Variants in ACKR2 observed in about 807,000 individuals in gnomAD.
ACKR2 encodes the protein atypical chemokine receptor 2.
For synonymous variants in ACKR2, 207 were observed against 192.2 expected, an observed-to-expected ratio of 1.08 and a Z score of -0.64; for missense variants, 457 against 477.3, an observed-to-expected ratio of 0.96 and a Z score of 0.40.
At chr3:42,841,895 T>TA in intron 2 of ACKR2, 1 of 152,154 alleles carries the variant, frequency 6.6e-6, no homozygotes, top group Non-Finnish European at 1.5e-5. Flanking sequence ...CAGGAACACC[T>TA]AGTAGTTAGG....
intron 2 of ACKR2, among the ~76,000 whole-genome samples, chr3:42,827,428 T>C (rs1172856478): frequency 6.6e-6 from 1 of 152,252 alleles, no homozygotes; most frequent in African/African-American, 2.4e-5. Context: ...TCTGATGTTA[T>C]GGGTTTCTTT....
intron 2 of ACKR2, among the ~76,000 whole-genome samples, chr3:42,839,697 T>C (rs557707865): frequency 7.2e-5 from 11 of 152,170 alleles, no homozygotes; most frequent in Non-Finnish European, 1.5e-4. Context: ...TTTTGGTACA[T>C]CAGGCTGTAT....
At chr3:42,827,450 T>A (rs903481345) in intron 2 of ACKR2, among the ~76,000 whole-genome samples, 1 of 152,232 alleles carries the variant, frequency 6.6e-6, no homozygotes, top group African/African-American at 2.4e-5. Context: ...TGCAGAGCCA[T>A]GTTGTAACTG....
At chr3:42,810,668 T>TA (rs1318047830) in intron 1 of ACKR2, among the ~76,000 whole-genome samples, 2 of 152,028 alleles carry the variant, frequency 1.3e-5, no homozygotes, top group African/African-American at 4.8e-5. Context: ...CCACTACCAA[T>TA]AAAAAAAGAA....
intron 1 of ACKR2, among the ~76,000 whole-genome samples, chr3:42,813,605 C>T (rs1286198337): frequency 6.6e-6 from 1 of 152,186 alleles, no homozygotes; most frequent in African/African-American, 2.4e-5. Flanking sequence ...AAGTCCACCC[C>T]CGTGATCTAA....
At chr3:42,858,532 A>C (rs1165855315) in intron 2 of ACKR2, among the ~76,000 whole-genome samples, 1 of 152,162 alleles carries the variant, frequency 6.6e-6, no homozygotes, top group African/African-American at 2.4e-5. Flanking sequence ...ACCAACATCA[A>C]AGACCAAAGG....
intron 1 of ACKR2, among the ~76,000 whole-genome samples, chr3:42,810,809 C>T (rs1392264798): frequency 1.3e-5 from 2 of 152,230 alleles, no homozygotes; most frequent in Non-Finnish European, 2.9e-5. Context: ...ATCCTTTGTT[C>T]GAGTGTTCAA....
At chr3:42,813,066 G>A (rs1390767432) in intron 1 of ACKR2, among the ~76,000 whole-genome samples, 2 of 152,114 alleles carry the variant, frequency 1.3e-5, no homozygotes, top group East Asian at 1.9e-4. Flanking sequence ...GAACAGTGCT[G>A]TTAATGTTAT....
intron 2 of ACKR2, among the ~76,000 whole-genome samples, chr3:42,822,577 G>A (rs1333059301): frequency 6.6e-6 from 1 of 152,104 alleles, no homozygotes; most frequent in African/African-American, 2.4e-5. Flanking sequence ...AACAGGCTGG[G>A]TGCGGTGGCT....
chr3:42,821,504 A>G (rs115559884), intron 2 of ACKR2, among the ~76,000 whole-genome samples: 74 of 151,842 alleles, frequency 4.9e-4, no homozygotes, highest in African/African-American at 1.7e-3. Context: ...GTGTATTATT[A>G]CCCCCATTTT....
At chr3:42,811,667 A>G (rs1310638384) in intron 1 of ACKR2, among the ~76,000 whole-genome samples, 2 of 152,020 alleles carry the variant, frequency 1.3e-5, no homozygotes, top group African/African-American at 4.8e-5. Context: ...GGTTGAGATA[A>G]GAGGAAGGCC....
chr3:42,842,786 C>A (rs1292347546), intron 2 of ACKR2, among the ~76,000 whole-genome samples: 3 of 151,802 alleles, frequency 2.0e-5, no homozygotes, highest in Non-Finnish European at 4.4e-5. Flanking sequence ...AGTTTGAGAC[C>A]AGCTTGGCCA....
chr3:42,811,972 C>T (rs777008117), intron 1 of ACKR2, among the ~76,000 whole-genome samples: 6 of 152,144 alleles, frequency 3.9e-5, no homozygotes, highest in South Asian at 2.1e-4. Context: ...GTTCTCCTGC[C>T]GCATTCCCCT....
intron 2 of ACKR2, among the ~76,000 whole-genome samples, chr3:42,828,092 A>ATTTTTTTTTTTTT (rs71072742): frequency 8.2e-6 from 1 of 121,902 alleles, no homozygotes. Context: ...ATATATATAT[A>ATTTTTTTTTTTTT]TTTTTTTTTT....
At chr3:42,810,885 G>C (rs1468613689) in intron 1 of ACKR2, among the ~76,000 whole-genome samples, 1 of 152,180 alleles carries the variant, frequency 6.6e-6, no homozygotes, top group East Asian at 1.9e-4. Context: ...TTTTGAGATA[G>C]AGTCTCGCTC....
chr3:42,841,952 C>T (rs1242172219), intron 2 of ACKR2, among the ~76,000 whole-genome samples: 1 of 152,210 alleles, frequency 6.6e-6, no homozygotes, highest in African/African-American at 2.4e-5. Context: ...GGCTCCATCA[C>T]TCCCTAGCAT....
intron 1 of ACKR2, among the ~76,000 whole-genome samples, chr3:42,810,408 C>G (rs777574202): frequency 6.2e-5 from 6 of 97,334 alleles, no homozygotes; most frequent in African/African-American, 1.5e-4. Context: ...ATTCATAGTA[C>G]CCCCCCCCAA....
Position 42,867,019 on chromosome 3 carries a change from C to G in ACKR2, c.*1362C>G, listed in dbSNP as rs946314491. 3 of 160,602 alleles carry G rather than the reference C, an allele frequency of 1.9e-5. No homozygotes were observed. Among genetic ancestry groups the G allele is most frequent in the Admixed American group, 1.3e-4 (2 of 15,262 alleles). The allele number at this position is 160,602 out of a possible 1,614,324, so 9.9% of individuals were successfully genotyped here. Reference sequence around the variant, plus strand: ...CCCCAAGTAGCTAGGACTACAGGAGCACACCACCACACCTGGCTAATTTTT... The same window carrying G: ...CCCCAAGTAGCTAGGACTACAGGAGGACACCACCACACCTGGCTAATTTTT... On this transcript the variant is annotated 3_prime_UTR_variant, in exon 3 of 3. Transcript: ENST00000422265.
At chr3:42,841,665 C>T (rs986408595) in intron 2 of ACKR2, 8 of 152,276 alleles carry the variant, frequency 5.3e-5, no homozygotes, top group African/African-American at 1.9e-4. Context: ...CCCAGAAATA[C>T]ACACAGGAAT....
Sources: allele counts gnomAD v4.1 joint callset (sites outside exome capture counted in the v4.1 genomes callset), GRCh38; gene constraint gnomAD v4.1.1; transcripts MANE v1.5; gene names NCBI Gene and HGNC (gene_info 2026-07-23, HGNC 2026-07-21).